LMO7: variants seen among roughly 807,000 people sequenced by gnomAD.
LMO7 encodes the protein LIM domain only protein 7.
A neutral mutation model predicts 206.5 loss-of-function variants in LMO7; 120 were observed. The ratio of observed to expected loss-of-function variants is 0.58; its 90% CI spans 0.50 to 0.68. LMO7 has a LOEUF of 0.68. Among genes scored for constraint, LMO7 ranks in the 30% least tolerant of loss-of-function variants. LMO7 has a pLI of 0.00. For synonymous variants in LMO7, 706 were observed against 681.5 expected (o/e 1.04, Z -0.56); for missense variants, 1,959 against 1,957.9 (o/e 1.00, Z -0.01).
At chr13:75,834,470 A>T in intron 17 of LMO7, 83 bp downstream of exon 17, 3 of 1,068,330 alleles carry the variant, frequency 2.8e-6, no homozygotes, top group Non-Finnish European at 4.0e-6. Context: ...TGCTTCAATA[A>T]CTTTTTATTT....
chr13:75,677,273 A>G (rs527414160), intron 1 of LMO7, among the ~76,000 whole-genome samples: 1 of 152,328 alleles, frequency 6.6e-6, no homozygotes, highest in South Asian at 2.1e-4. Flanking sequence ...GGTTTCTAAA[A>G]TTGCAATTAT....
chr13:75,768,439 C>G (rs566398286), intron 4 of LMO7, among the ~76,000 whole-genome samples: 2 of 152,202 alleles, frequency 1.3e-5, no homozygotes, highest in South Asian at 4.1e-4. Flanking sequence ...AAGTTATTTG[C>G]TCTTGCCTCT....
intron 25 of LMO7, among the ~76,000 whole-genome samples, chr13:75,844,231 T>C (rs1438487665): frequency 2.0e-5 from 3 of 152,044 alleles, no homozygotes; most frequent in African/African-American, 4.8e-5. Flanking sequence ...TCTTCTATGT[T>C]GATACAAGTG....
At chr13:75,626,595 A>ATATATATATATTTTTTTTTTTTTTTT in intron 2 of LMO7, among the ~76,000 whole-genome samples, 9 of 71,090 alleles carry the variant, frequency 1.3e-4, no homozygotes, top group East Asian at 1.2e-3. Flanking sequence ...ATATATATAA[A>ATATATATATATTTTTTTTTTTTTTTT]TTTTTTTGAG....
chr13:75,711,956 G>A (rs2043162887), intron 1 of LMO7, among the ~76,000 whole-genome samples: 1 of 152,234 alleles, frequency 6.6e-6, no homozygotes, highest in Non-Finnish European at 1.5e-5. Context: ...CTCTTCCTGA[G>A]TTTGAGCATG....
At chr13:75,792,578 T>A (rs2053457310) in intron 4 of LMO7, among the ~76,000 whole-genome samples, 1 of 152,186 alleles carries the variant, frequency 6.6e-6, no homozygotes, top group South Asian at 2.1e-4. Flanking sequence ...GTGTTACCTG[T>A]GTTACTGTGA....
intron 2 of LMO7, among the ~76,000 whole-genome samples, chr13:75,717,516 C>T (rs1383042144): frequency 6.6e-6 from 1 of 151,760 alleles, no homozygotes; most frequent in East Asian, 1.9e-4. Flanking sequence ...GTGACCACAA[C>T]AGTATCTGCC....
chr13:75,663,722 G>A (rs11148997), intron 1 of LMO7, among the ~76,000 whole-genome samples: 9,873 of 152,108 alleles, frequency 0.065, 391 homozygotes, highest in Middle Eastern at 0.099. Context: ...GAGCCACTGC[G>A]CCTGGCCGTC....
chr13:75,773,866 G>A (rs933833355), intron 4 of LMO7, among the ~76,000 whole-genome samples: 2 of 152,138 alleles, frequency 1.3e-5, no homozygotes, highest in African/African-American at 2.4e-5. Context: ...CTGAGGAAGT[G>A]AAGGTGGAAA....
chr13:75,795,953 A>G (rs2053952926), intron 5 of LMO7, among the ~76,000 whole-genome samples: 2 of 152,248 alleles, frequency 1.3e-5, no homozygotes, highest in South Asian at 2.1e-4. Flanking sequence ...CATCCTGCAC[A>G]TATATCCCAG....
chr13:75,621,824 G>C (rs1406154514), exon 1 of LMO7: 2 of 1,610,862 alleles, frequency 1.2e-6, no homozygotes, highest in Admixed American at 3.3e-5. Flanking sequence ...GTCTGCATCT[G>C]TGTGGGTTGG....
At chr13:75,836,922 G>C (rs1216015415) in intron 19 of LMO7, among the ~76,000 whole-genome samples, 1 of 152,174 alleles carries the variant, frequency 6.6e-6, no homozygotes, top group Non-Finnish European at 1.5e-5. Flanking sequence ...GACAAAGAAG[G>C]CAAAATATCT....
In LMO7 at chr13:75,808,202, C is replaced by A; in HGVS notation, c.1916+3C>A. The A allele has an allele frequency of 6.3e-7, 1 of 1,599,450 alleles. No homozygotes were observed. The highest frequency in any genetic ancestry group is 1.1e-5 in the South Asian group (1 of 89,676). ...AAGAAAAGGCTGATGGTGGAGAGGT[C>A]AGAGTGTGTTTCTGCAAGGATTTTG... On this transcript the variant is annotated splice_donor_region_variant and intron_variant, in intron 10 of 30. Coordinates refer to ENST00000377534, the MANE Select transcript of LMO7 (RefSeq NM_001306080.2).
chr13:75,695,046 ATCTT>A (rs1164699516), intron 1 of LMO7, among the ~76,000 whole-genome samples: 3 of 152,098 alleles, frequency 2.0e-5, no homozygotes. Context: ...TCCTGTGTGA[ATCTT>A]TCTCAGTTTT....
At chr13:75,672,165 C>T (rs2039639913) in intron 1 of LMO7, among the ~76,000 whole-genome samples, 1 of 151,830 alleles carries the variant, frequency 6.6e-6, no homozygotes, top group Admixed American at 6.6e-5. Context: ...CTCTTGTGTC[C>T]CTTGGTTTTG....
chr13:75,777,354 C>T (rs573436912), intron 4 of LMO7, among the ~76,000 whole-genome samples: 1 of 152,298 alleles, frequency 6.6e-6, no homozygotes, highest in African/African-American at 2.4e-5. Context: ...TGCTATTCCA[C>T]ATTTAAGAAT....
At chr13:75,809,828 ATTTT>A (rs35825600) in intron 11 of LMO7, among the ~76,000 whole-genome samples, 4 of 122,650 alleles carry the variant, frequency 3.3e-5, no homozygotes, top group Non-Finnish European at 5.1e-5. Context: ...CAAAAACTAC[ATTTT>A]TTTTTTTTTT....
At chr13:75,852,206 T>C (rs537316697) in intron 27 of LMO7, among the ~76,000 whole-genome samples, 2 of 152,344 alleles carry the variant, frequency 1.3e-5, no homozygotes, top group African/African-American at 4.8e-5. Context: ...GTGGTTGGTA[T>C]TTATTGTTTT....
intron 4 of LMO7, among the ~76,000 whole-genome samples, chr13:75,769,682 T>C (rs940701845): frequency 6.6e-6 from 1 of 152,142 alleles, no homozygotes; most frequent in Non-Finnish European, 1.5e-5. Flanking sequence ...GAGAAGCACC[T>C]GCTTTGAATT....
Sources: gnomAD v4.1 joint callset for allele counts (sites outside exome capture counted in the v4.1 genomes callset) on GRCh38, gnomAD v4.1.1 for gene constraint, MANE v1.5 for transcripts, NCBI Gene and HGNC (gene_info 2026-07-23, HGNC 2026-07-21) for gene names.